MSH3: variants seen among roughly 807,000 people sequenced by gnomAD.
MSH3 encodes the protein mutS homolog 3, also known as DNA mismatch repair protein Msh3.
Under a neutral mutation model 123.3 loss-of-function variants are expected in MSH3, and 106 were observed. The observed-to-expected ratio is 0.86, with a 90% CI of 0.73 to 1.01. The LOEUF (loss-of-function observed/expected upper bound fraction) is 1.01, where lower values mean the gene tolerates loss of function less well. MSH3 is among the 50% of genes least tolerant of loss of function. The pLI is 0.00. For synonymous variants in MSH3, 515 were observed against 481.4 expected (o/e 1.07, Z -0.91); for missense variants, 1,459 against 1,347.6 (o/e 1.08, Z -1.29).
At chr5:80,805,583 C>G (rs906443099) in intron 19 of MSH3, among the ~76,000 whole-genome samples, 4 of 79,998 alleles carry the variant, frequency 5.0e-5, no homozygotes, top group South Asian at 5.9e-4. Context: ...ATGATGCCCC[C>G]CCCCCCTACC....
At chr5:80,846,008 T>C (rs1745713664) in intron 20 of MSH3, among the ~76,000 whole-genome samples, 1 of 152,192 alleles carries the variant, frequency 6.6e-6, no homozygotes, top group Non-Finnish European at 1.5e-5. Flanking sequence ...AGTTTCTGCT[T>C]TTCTGCTGTG....
chr5:80,866,627 A>G (rs565845344), intron 22 of MSH3, among the ~76,000 whole-genome samples: 1 of 152,146 alleles, frequency 6.6e-6, no homozygotes, highest in Non-Finnish European at 1.5e-5. Context: ...TGCTTCATCA[A>G]GTTGACACAT....
intron 20 of MSH3, among the ~76,000 whole-genome samples, chr5:80,836,018 G>C (rs1382250245): frequency 6.6e-6 from 1 of 151,836 alleles, no homozygotes; most frequent in Non-Finnish European, 1.5e-5. Context: ...ACACCAAAAA[G>C]TACTTTTTGA....
intron 20 of MSH3, among the ~76,000 whole-genome samples, chr5:80,836,364 TA>T (rs998496987): frequency 4.9e-4 from 75 of 152,090 alleles, no homozygotes; most frequent in African/African-American, 1.8e-3. Flanking sequence ...ACTACAGAGA[TA>T]AATCAGTGAG....
chr5:80,843,731 C>T (rs1745668112), intron 20 of MSH3, among the ~76,000 whole-genome samples: 1 of 152,138 alleles, frequency 6.6e-6, no homozygotes, highest in South Asian at 2.1e-4. Context: ...GTTTGTATTT[C>T]TGTGGGATCG....
At chr5:80,785,900 C>T (rs1744497683) in intron 17 of MSH3, among the ~76,000 whole-genome samples, 1 of 149,066 alleles carries the variant, frequency 6.7e-6, no homozygotes. Flanking sequence ...AACAAAAAAC[C>T]AAACACCACA....
At chr5:80,739,744 A>G (rs1246912389) in intron 10 of MSH3, among the ~76,000 whole-genome samples, 2 of 152,256 alleles carry the variant, frequency 1.3e-5, no homozygotes, top group South Asian at 4.1e-4. Flanking sequence ...AAAGGACAGC[A>G]TTGAGTTACT....
intron 20 of MSH3, among the ~76,000 whole-genome samples, chr5:80,835,123 C>A (rs1006749884): frequency 6.6e-6 from 1 of 152,140 alleles, no homozygotes; most frequent in Non-Finnish European, 1.5e-5. Context: ...AGAGAAGAAC[C>A]ATTGGAGAAA....
intron 20 of MSH3, among the ~76,000 whole-genome samples, chr5:80,827,965 A>G (rs1240262407): frequency 1.3e-5 from 2 of 152,168 alleles, no homozygotes; most frequent in East Asian, 1.9e-4. Flanking sequence ...GAGAGTGTCC[A>G]TCTACACTTA....
At chr5:80,685,014 A>G (rs1463036668) in intron 8 of MSH3, among the ~76,000 whole-genome samples, 1 of 151,854 alleles carries the variant, frequency 6.6e-6, no homozygotes, top group Admixed American at 6.6e-5. Context: ...GATAAATTCT[A>G]CTTGGTCATG....
At chr5:80,801,862 T>A (rs920701646) in intron 19 of MSH3, among the ~76,000 whole-genome samples, 1 of 152,306 alleles carries the variant, frequency 6.6e-6, no homozygotes, top group South Asian at 2.1e-4. Flanking sequence ...TTGTCCAGAG[T>A]CCACACTAGA....
intron 2 of MSH3, among the ~76,000 whole-genome samples, chr5:80,658,799 T>C (rs1749357260): frequency 2.6e-5 from 4 of 152,196 alleles, no homozygotes; most frequent in Admixed American, 2.0e-4. Context: ...GGTTTTGCTG[T>C]GTTGACCAGA....
intron 12 of MSH3, among the ~76,000 whole-genome samples, chr5:80,754,769 A>G (rs891996560): frequency 2.6e-5 from 4 of 152,190 alleles, no homozygotes; most frequent in Admixed American, 6.5e-5. Context: ...TTAGTGGTCA[A>G]TGTTCTCTAC....
intron 12 of MSH3, among the ~76,000 whole-genome samples, chr5:80,755,550 T>C (rs1157385308): frequency 6.6e-6 from 1 of 152,188 alleles, no homozygotes; most frequent in Admixed American, 6.5e-5. Context: ...TGTCATAAAA[T>C]ATCTCCTTAT....
intron 19 of MSH3, among the ~76,000 whole-genome samples, chr5:80,808,720 T>C (rs1307393930): frequency 6.6e-6 from 1 of 151,682 alleles, no homozygotes; most frequent in Non-Finnish European, 1.5e-5. Flanking sequence ...AATGAAATGC[T>C]CAAAGAACAT....
At chr5:80,705,993 C>G (rs1438878676) in intron 8 of MSH3, among the ~76,000 whole-genome samples, 3 of 152,116 alleles carry the variant, frequency 2.0e-5, no homozygotes, top group African/African-American at 7.2e-5. Flanking sequence ...CATTCTTTTC[C>G]ACCTCCCTCC....
At chr5:80,798,787 G>A (rs1216652257) in intron 19 of MSH3, among the ~76,000 whole-genome samples, 1 of 152,174 alleles carries the variant, frequency 6.6e-6, no homozygotes, top group Non-Finnish European at 1.5e-5. Context: ...CTGCACTGCT[G>A]TCTCTGCCCA....
At chr5:80,863,021 A>G (rs1477929882) in intron 21 of MSH3, among the ~76,000 whole-genome samples, 3 of 152,210 alleles carry the variant, frequency 2.0e-5, no homozygotes, top group Non-Finnish European at 4.4e-5. Flanking sequence ...GCCACAGGTT[A>G]TTTATTAATT....
intron 21 of MSH3, among the ~76,000 whole-genome samples, chr5:80,861,844 G>A (rs1455401191): frequency 6.6e-6 from 1 of 152,050 alleles, no homozygotes; most frequent in Non-Finnish European, 1.5e-5. Context: ...CTGCTTGTCT[G>A]TCTCTAACTT....
Sources: allele counts gnomAD v4.1 joint callset (sites outside exome capture counted in the v4.1 genomes callset), GRCh38; gene constraint gnomAD v4.1.1; transcripts MANE v1.5; gene names NCBI Gene and HGNC (gene_info 2026-07-23, HGNC 2026-07-21).